AMER3: variants seen among roughly 807,000 people sequenced by gnomAD.
The protein encoded by AMER3 is family with sequence similarity 123C.
For synonymous variants in AMER3, 541 were observed against 485.5 expected (o/e 1.11, Z -1.50); for missense variants, 1,201 against 1,139.4 (o/e 1.05, Z -0.78).
intron 1 of AMER3, among the ~76,000 whole-genome samples, chr2:130,757,259 G>A (rs1413499705): frequency 2.6e-5 from 4 of 152,202 alleles, no homozygotes; most frequent in Admixed American, 2.6e-4. Context: ...AACTTCATTT[G>A]CCCAATTTGC....
In AMER3 at chr2:130,763,915, T is replaced by A; in HGVS notation, c.1843T>A (p.Ser615Thr). ...TRGHSEGLFS[S>T]MESAATSTTD... ...AGGTCACTCTGAAGGCTTGTTCTCC[T>A]CTATGGAGTCTGCAGCCACTTCGAC... is the stretch of plus-strand genomic sequence containing the variant. Residue 615 changes from serine to threonine, a missense_variant, in exon 2 of 2, where the codon TCT (serine) becomes ACT (threonine). By Grantham distance (58) the Ser-to-Thr change is moderately conservative. Coordinates refer to ENST00000321420, the MANE Select transcript of AMER3 (RefSeq NM_152698.3). 6.2e-7 allele frequency: 1 copy of A among 1,613,638 alleles called. No individual in the cohort carries two copies. The highest frequency in any genetic ancestry group is 8.5e-7 in the Non-Finnish European group (1 of 1,180,008).
At chr2:130,760,049 G>A (rs1042729954) in intron 1 of AMER3, among the ~76,000 whole-genome samples, 2 of 152,194 alleles carry the variant, frequency 1.3e-5, no homozygotes, top group African/African-American at 4.8e-5. Context: ...AAGTCTGCAG[G>A]TGCAGGGTGG....
chr2:130,758,052 T>C (rs950166852), intron 1 of AMER3, among the ~76,000 whole-genome samples: 3 of 152,044 alleles, frequency 2.0e-5, no homozygotes, highest in Non-Finnish European at 4.4e-5. Context: ...GAGAATGGTG[T>C]GAACCCGCGA....
chr2:130,758,889 C>T (rs1168795229), intron 1 of AMER3, among the ~76,000 whole-genome samples: 1 of 152,244 alleles, frequency 6.6e-6, no homozygotes, highest in Admixed American at 6.5e-5. Context: ...TTGGCCTCTG[C>T]CCTCAGGCAG....
chr2:130,760,792 A>G (rs1180441231), intron 1 of AMER3, among the ~76,000 whole-genome samples: 1 of 151,878 alleles, frequency 6.6e-6, no homozygotes, highest in Non-Finnish European at 1.5e-5. Context: ...TCCACAACAC[A>G]CCCCAAGGCA....
chr2:130,763,257 T>A lies in AMER3; in HGVS notation c.1185T>A (p.Leu395=), dbSNP rs1365560046. Residue 395 remains leucine, a synonymous_variant, in exon 2 of 2, where the codon CTT becomes CTA. Transcript: ENST00000321420. ...EGYYDSFSPG[L]EEDKKEAESP... is the part of the protein sequence containing the mutation. ...ACTATGATTCCTTCTCGCCAGGACT[T>A]GAGGAGGACAAGAAGGAAGCTGAGA... The A allele has an allele frequency of 1.2e-6, 2 of 1,613,566 alleles. No individual in the cohort carries two copies. The highest frequency in any genetic ancestry group is 2.7e-5 in the African/African-American group (2 of 74,848).
At chr2:130,759,970 C>T (rs1235194817) in intron 1 of AMER3, among the ~76,000 whole-genome samples, 3 of 152,228 alleles carry the variant, frequency 2.0e-5, no homozygotes, top group Non-Finnish European at 2.9e-5. Flanking sequence ...AAGCCCTGTG[C>T]TGTGTGCAGC....
chr2:130,763,021 G>A lies in AMER3; in HGVS notation c.949G>A (p.Val317Met), dbSNP rs776767192. The change falls in exon 2 of 2, where the codon GTG (valine) becomes ATG (methionine). Residue 317 changes from valine (V) to methionine (M), a missense_variant. Val to Met is a conservative substitution (Grantham distance 21). Transcript: ENST00000321420. ...TRFWDSVNRS[V>M]RQQQRALLGP... The stretch of plus-strand genomic sequence containing the variant: ...GTTCTGGGACAGTGTGAATCGCTCA[G>A]TGCGTCAGCAGCAGCGTGCCCTCCT... 58 of 1,613,154 alleles carry A rather than the reference G, an allele frequency of 3.6e-5. No homozygotes were observed. The highest frequency in any genetic ancestry group is 8.9e-5 in the East Asian group (4 of 44,824).
intron 1 of AMER3, among the ~76,000 whole-genome samples, chr2:130,758,204 GA>G (rs1004302224): frequency 2.2e-4 from 32 of 146,512 alleles, no homozygotes; most frequent in South Asian, 1.3e-3. Context: ...CTAAAATTAA[GA>G]AAAAAAAAAT....
In AMER3 at chr2:130,764,849, G is replaced by A; in HGVS notation, c.*191G>A. The A allele has an allele frequency of 1.4e-6, 1 of 721,254 alleles. No homozygotes were observed. The highest frequency in any genetic ancestry group is 2.3e-6 in the Non-Finnish European group (1 of 440,812). The allele number at this position is 721,254 out of a possible 1,614,324, so 44.7% of individuals were successfully genotyped here. On this transcript the variant is annotated 3_prime_UTR_variant, in exon 2 of 2. Transcript: ENST00000321420. ...TTGCCTGAACCCACCAGCTCAGGCA[G>A]CCCACCGCCAAAGACAGCGCGAAGC...
intron 1 of AMER3, 21 bp downstream of exon 1, chr2:130,755,695 T>C (rs1462211687): frequency 6.6e-6 from 1 of 152,378 alleles, no homozygotes; most frequent in East Asian, 1.9e-4. Flanking sequence ...GTAGGGCAAG[T>C]GCCTCTTTCG....
At chr2:130,758,754 G>A (rs549353242) in intron 1 of AMER3, among the ~76,000 whole-genome samples, 44 of 152,312 alleles carry the variant, frequency 2.9e-4, no homozygotes, top group Non-Finnish European at 5.4e-4. Flanking sequence ...AACCCTCCTT[G>A]GGGGAGGGAT....
chr2:130,757,429 G>A (rs184601616), intron 1 of AMER3, among the ~76,000 whole-genome samples: 7 of 150,934 alleles, frequency 4.6e-5, no homozygotes, highest in African/African-American at 1.5e-4. Flanking sequence ...TTGAAAGTGA[G>A]AATTGGCCCG....
At chr2:130,758,367 A>G (rs190690847) in intron 1 of AMER3, among the ~76,000 whole-genome samples, 132 of 151,130 alleles carry the variant, frequency 8.7e-4, no homozygotes, top group African/African-American at 3.2e-3. Flanking sequence ...AGAAAGAAGG[A>G]AAGAAGGAAA....
At position 130,762,430 on chromosome 2, in the gene AMER3, T is replaced by C; in HGVS notation, c.358T>C (p.Ser120Pro). Residue 120 changes from serine (S) to proline (P), a missense_variant, in exon 2 of 2, where the codon TCC becomes CCC. Coordinates refer to ENST00000321420, the MANE Select transcript of AMER3 (RefSeq NM_152698.3). ...QLVGSASFPG[S>P]PGSRRMIDYR... ...GGTGGGCAGTGCAAGCTTCCCGGGC[T>C]CCCCGGGCAGCCGGCGCATGATCGA... The C allele has an allele frequency of 8.7e-6, 14 of 1,612,636 alleles. No individual in the cohort carries two copies. Among genetic ancestry groups the C allele is most frequent in the Non-Finnish European group, 1.2e-5 (14 of 1,179,864 alleles).
intron 1 of AMER3, among the ~76,000 whole-genome samples, chr2:130,760,206 G>T (rs375344829): frequency 6.6e-6 from 1 of 152,232 alleles, no homozygotes; most frequent in Non-Finnish European, 1.5e-5. Context: ...CTGGCATGGT[G>T]CCTACTTCTT....
intron 1 of AMER3, among the ~76,000 whole-genome samples, chr2:130,759,404 T>A (rs1028640996): frequency 2.0e-5 from 3 of 152,232 alleles, no homozygotes; most frequent in African/African-American, 7.2e-5. Context: ...AAAACATTTT[T>A]GTTCTTGCAG....
At position 130,762,932 on chromosome 2, in the gene AMER3, C is replaced by T. The variant is rs760924887; in HGVS notation, c.860C>T (p.Pro287Leu). 20 of 1,612,208 alleles carry T rather than the reference C, an allele frequency of 1.2e-5. No homozygotes were observed. The East Asian group carries it at 3.1e-4, about 25-fold the overall frequency. ...CTGGAGAGCAAGGTTCCCAGGGGCC[C>T]TCTCCAGGGCAGTGTGGAGCAGCTG... ...QGLESKVPRGPLQGSVEQLAS... is the reference protein window; with the variant it reads ...QGLESKVPRGLLQGSVEQLAS... The change falls in exon 2 of 2, where the codon CCT becomes CTT. Residue 287 changes from proline (P) to leucine (L), a missense_variant. Transcript: ENST00000321420.
intron 1 of AMER3, among the ~76,000 whole-genome samples, chr2:130,759,565 T>A (rs74712396): frequency 1.6e-4 from 24 of 152,234 alleles, no homozygotes; most frequent in African/African-American, 5.3e-4. Flanking sequence ...TTTCCTGCCA[T>A]AGGAATTATT....
Sources: allele counts gnomAD v4.1 joint callset (sites outside exome capture counted in the v4.1 genomes callset), GRCh38; gene constraint gnomAD v4.1.1; transcripts MANE v1.5; gene names NCBI Gene and HGNC (gene_info 2026-07-23, HGNC 2026-07-21).